The following UGT1A9 variants were observed in gnomAD, a reference collection of about 807,000 sequenced individuals.
UGT1A9 encodes the protein UDP-glucuronosyltransferase 1A9.
A neutral mutation model predicts 45.0 loss-of-function variants in UGT1A9; 35 were observed. The observed-to-expected ratio is 0.78, with a 90% CI of 0.59 to 1.03. UGT1A9 has a LOEUF of 1.03. Among genes scored for constraint, UGT1A9 ranks in the 50% least tolerant of loss-of-function variants. The pLI is 0.00. For missense variants in UGT1A9, 687 were observed against 666.6 expected (o/e 1.03, Z -0.34); for synonymous variants, 278 against 250.6 (o/e 1.11, Z -1.03).
In UGT1A9 at chr2:233,766,936, A is replaced by T. The variant is rs911091346; in HGVS notation, c.856-98A>T. The T allele has an allele frequency of 4.4e-6, 7 of 1,586,086 alleles. No homozygotes were observed. The South Asian group carries it at 7.0e-5, about 16-fold the overall frequency. ...ATCTCAAACACGCATGCCTTTAATC[A>T]TAGTCTTAAGAGGAAGATATCTAAT... is the stretch of plus-strand genomic sequence containing the variant. On this transcript the variant is annotated intron_variant, in intron 1 of 4. Coordinates refer to ENST00000354728, the MANE Select transcript of UGT1A9 (RefSeq NM_021027.3).
chr2:233,725,119 T>G (rs1275718830), intron 1 of UGT1A9, among the ~76,000 whole-genome samples: 3 of 139,294 alleles, frequency 2.2e-5, no homozygotes. Flanking sequence ...GAGGTTGCAG[T>G]GAGCCGAGAT....
chr2:233,755,459 T>A (rs1367046072), intron 1 of UGT1A9: 1 of 283,420 alleles, frequency 3.5e-6, no homozygotes, highest in Non-Finnish European at 6.9e-6. Flanking sequence ...GGACTGGCCC[T>A]GCTCTCTGTG....
At position 233,678,967 on chromosome 2, in the gene UGT1A9, T is replaced by C. The variant is rs371211857; in HGVS notation, c.855+6178T>C. On this transcript the variant is annotated intron_variant, in intron 1 of 4. Coordinates refer to ENST00000354728, the MANE Select transcript of UGT1A9 (RefSeq NM_021027.3). ...CAGAAGAAATGTACTGTTTGGGGCT[T>C]GGTGGCTTTCAAAGCTCTTTCTATA... 6.6e-5 allele frequency among the ~76,000 whole-genome samples: 10 copies of C among 152,348 alleles called. 1 individual carries two copies. Among genetic ancestry groups the C allele is most frequent in the South Asian group, 2.1e-4 (1 of 4,828 alleles).
chr2:233,729,594 C>T (rs1443112600), intron 1 of UGT1A9: 5 of 1,614,106 alleles, frequency 3.1e-6, no homozygotes, highest in Non-Finnish European at 4.2e-6. Flanking sequence ...CCGTTAACCT[C>T]TGCGCGGCAG....
intron 1 of UGT1A9, among the ~76,000 whole-genome samples, chr2:233,685,623 C>T (rs11902131): frequency 0.39 from 59,238 of 152,106 alleles, 11,737 homozygotes; most frequent in South Asian, 0.45. Flanking sequence ...AACTTTTTAT[C>T]ATCAAAGTTT....
At chr2:233,720,033 T>A (rs13401281) in intron 1 of UGT1A9, among the ~76,000 whole-genome samples, 3 of 152,074 alleles carry the variant, frequency 2.0e-5, no homozygotes, top group South Asian at 4.2e-4. Context: ...TTTGCTTGCC[T>A]GATTTTCAGC....
At chr2:233,725,467 G>A (rs1170231243) in intron 1 of UGT1A9, among the ~76,000 whole-genome samples, 1 of 151,678 alleles carries the variant, frequency 6.6e-6, no homozygotes, top group Non-Finnish European at 1.5e-5. Flanking sequence ...TTTTCTAGTG[G>A]GCATGTTAGA....
intron 1 of UGT1A9, among the ~76,000 whole-genome samples, chr2:233,683,944 T>C (rs2074657096): frequency 6.6e-6 from 1 of 152,218 alleles, no homozygotes; most frequent in Non-Finnish European, 1.5e-5. Flanking sequence ...ATTGTTGGTC[T>C]AGCCAGCTTA....
chr2:233,678,768 A>G (rs1446898670), intron 1 of UGT1A9, among the ~76,000 whole-genome samples: 1 of 151,606 alleles, frequency 6.6e-6, no homozygotes, highest in Non-Finnish European at 1.5e-5. Flanking sequence ...CAGGTCATCT[A>G]TTGATTCCCT....
At chr2:233,726,457 C>G (rs1196256616) in intron 1 of UGT1A9, among the ~76,000 whole-genome samples, 2 of 152,164 alleles carry the variant, frequency 1.3e-5, no homozygotes, top group Admixed American at 1.3e-4. Context: ...TGAATGTAAG[C>G]TCATTTCTTT....
intron 1 of UGT1A9, among the ~76,000 whole-genome samples, chr2:233,725,200 A>G (rs1336173793): frequency 5.4e-5 from 5 of 92,552 alleles, no homozygotes; most frequent in South Asian, 4.2e-4. Flanking sequence ...GCAGAGGCAG[A>G]GGCAGAGGCA....
At chr2:233,743,908 G>A (rs1211765828) in intron 1 of UGT1A9, 37 of 1,366,084 alleles carry the variant, frequency 2.7e-5, no homozygotes, top group Non-Finnish European at 3.4e-5. Flanking sequence ...CCTCGTAGTA[G>A]TCCACCATGC....
chr2:233,757,312 G>A (rs1288195448), intron 1 of UGT1A9, among the ~76,000 whole-genome samples: 1 of 141,206 alleles, frequency 7.1e-6, no homozygotes, highest in Non-Finnish European at 1.5e-5. Context: ...GGACAGGGGG[G>A]CTGGGGCCCT....
intron 1 of UGT1A9, among the ~76,000 whole-genome samples, chr2:233,762,865 T>G (rs1473495061): frequency 6.6e-6 from 1 of 152,238 alleles, no homozygotes; most frequent in Non-Finnish European, 1.5e-5. Context: ...TAAAGAAATT[T>G]TGGTTTCTTC....
chr2:233,719,365 T>C, intron 1 of UGT1A9: 1 of 1,613,926 alleles, frequency 6.2e-7, no homozygotes. Context: ...GACTTAGACT[T>C]TAAGGGCACA....
intron 1 of UGT1A9, among the ~76,000 whole-genome samples, chr2:233,748,714 G>C (rs1019061059): frequency 6.6e-6 from 1 of 151,630 alleles, no homozygotes; most frequent in Non-Finnish European, 1.5e-5. Flanking sequence ...TTGGGGTCTG[G>C]TGCATGATGT....
rs371244037 is a variant in UGT1A9, at chr2:233,706,612, A to G, written c.855+33823A>G. 1.1e-4 allele frequency among the ~76,000 whole-genome samples: 16 copies of G among 152,262 alleles called. No individual in the cohort carries two copies. The East Asian group carries it at 3.1e-3, about 29-fold the overall frequency. Reference sequence around the variant, plus strand: ...GTGGACCTAAGTATGTGATAAGAAGACTAGAGAAATGAGTGTTTCTACTGT... The same window carrying G: ...GTGGACCTAAGTATGTGATAAGAAGGCTAGAGAAATGAGTGTTTCTACTGT... On this transcript the variant is annotated intron_variant, in intron 1 of 4. Transcript: ENST00000354728.
At chr2:233,753,957 TAA>T (rs1695357056) in intron 1 of UGT1A9, among the ~76,000 whole-genome samples, 1 of 152,156 alleles carries the variant, frequency 6.6e-6, no homozygotes, top group Non-Finnish European at 1.5e-5. Flanking sequence ...TCCAAAATAT[TAA>T]GAGAATAACG....
At chr2:233,756,690 C>G (rs1266086020) in intron 1 of UGT1A9, among the ~76,000 whole-genome samples, 2 of 152,102 alleles carry the variant, frequency 1.3e-5, no homozygotes, top group Non-Finnish European at 2.9e-5. Flanking sequence ...TATATAATGA[C>G]GATGAATTTT....
Sources: gnomAD v4.1 joint callset for allele counts (sites outside exome capture counted in the v4.1 genomes callset) on GRCh38, gnomAD v4.1.1 for gene constraint, MANE v1.5 for transcripts, NCBI Gene and HGNC (gene_info 2026-07-23, HGNC 2026-07-21) for gene names.